The following RFX3 variants were observed in gnomAD, a reference collection of about 807,000 sequenced individuals.
The protein encoded by RFX3 is transcription factor RFX3.
RFX3 carries 14 observed loss-of-function variants against 98.6 expected under a neutral mutation model. The observed-to-expected ratio is 0.14, with a 90% CI of 0.09 to 0.22. The LOEUF is 0.22. Among genes scored for constraint, RFX3 ranks in the 10% least tolerant of loss-of-function variants. RFX3 has a pLI of 1.00. For missense variants in RFX3, 639 were observed against 926.9 expected, an observed-to-expected ratio of 0.69 and a Z score of 4.03; for synonymous variants, 383 against 328.4, an observed-to-expected ratio of 1.17 and a Z score of -1.80.
intron 1 of RFX3, chr9:3,488,714 A>G (rs1344332502): frequency 1.1e-6 from 1 of 885,878 alleles, no homozygotes. Flanking sequence ...TTTCAACCTT[A>G]TATCCATAAA....
intron 5 of RFX3, among the ~76,000 whole-genome samples, chr9:3,298,307 G>C (rs1586932878): frequency 6.6e-6 from 1 of 151,756 alleles, no homozygotes; most frequent in Admixed American, 6.6e-5. Flanking sequence ...TACTCAGATG[G>C]TATACCAGAA....
At position 3,222,485 on chromosome 9, in the gene RFX3, A is replaced by G; in HGVS notation, c.*2557T>C. ...CTGTAATGATACAAATATATCCAAC[A>G]TTAAATTAAACAATGATAATAAATA... On this transcript the variant is annotated 3_prime_UTR_variant, in exon 17 of 17. Coordinates refer to ENST00000617270, the MANE Select transcript of RFX3 (RefSeq NM_001282116.2). 3.9e-5 allele frequency: 6 copies of G among 152,338 alleles called. No homozygotes were observed. The South Asian group carries it at 1.2e-3, about 32-fold the overall frequency. 9.4% of individuals were successfully genotyped at this position (152,338 alleles called of 1,614,324 possible).
At chr9:3,276,504 G>C (rs1276694500) in intron 8 of RFX3, among the ~76,000 whole-genome samples, 1 of 152,078 alleles carries the variant, frequency 6.6e-6, no homozygotes, top group East Asian at 1.9e-4. Context: ...GATAATCGAA[G>C]TGAAATCACA....
chr9:3,228,771 A>G, intron 16 of RFX3, 76 bp downstream of exon 16: 1 of 1,217,322 alleles, frequency 8.2e-7, no homozygotes, highest in Admixed American at 2.1e-5. Flanking sequence ...TGTTGTAAAC[A>G]TATACCGTAT....
chr9:3,238,913 A>T (rs505371), intron 15 of RFX3, among the ~76,000 whole-genome samples: 117,489 of 151,458 alleles, frequency 0.78, 48,465 homozygotes, highest in East Asian at 0.97. Flanking sequence ...GAATCGCTTG[A>T]ACCCGGGAGG....
chr9:3,368,109 T>C (rs1015853944), intron 2 of RFX3, among the ~76,000 whole-genome samples: 1 of 152,236 alleles, frequency 6.6e-6, no homozygotes, highest in Admixed American at 6.5e-5. Flanking sequence ...CTGTTGATCT[T>C]CTGCCTCTAA....
chr9:3,477,608 A>T (rs972014361), intron 1 of RFX3, among the ~76,000 whole-genome samples: 2 of 152,188 alleles, frequency 1.3e-5, no homozygotes, highest in African/African-American at 4.8e-5. Flanking sequence ...TTTAAATTCA[A>T]CTATGATGGG....
At chr9:3,416,588 T>C (rs1163573452) in intron 1 of RFX3, among the ~76,000 whole-genome samples, 4 of 152,220 alleles carry the variant, frequency 2.6e-5, no homozygotes, top group African/African-American at 9.6e-5. Context: ...TATGGTCCTC[T>C]ATCCCATTGT....
chr9:3,504,925 TATTATATATA>T (rs1816717577), intron 1 of RFX3, among the ~76,000 whole-genome samples: 1 of 73,672 alleles, frequency 1.4e-5, no homozygotes, highest in Non-Finnish European at 2.2e-5. Context: ...ATATAACATA[TATTATATATA>T]ATATATATAA....
chr9:3,513,352 T>A (rs1289442851), intron 1 of RFX3, among the ~76,000 whole-genome samples: 1 of 152,178 alleles, frequency 6.6e-6, no homozygotes, highest in Non-Finnish European at 1.5e-5. Context: ...ATATTTCTTT[T>A]TCTCTACATT....
At chr9:3,453,496 G>A (rs1846860163) in intron 1 of RFX3, 1 of 151,980 alleles carries the variant, frequency 6.6e-6, no homozygotes, top group South Asian at 2.1e-4. Flanking sequence ...GATCACTTGA[G>A]GCCAGGAGTT....
chr9:3,274,942 T>C (rs1165928735), intron 9 of RFX3, among the ~76,000 whole-genome samples: 1 of 152,066 alleles, frequency 6.6e-6, no homozygotes, highest in Non-Finnish European at 1.5e-5. Flanking sequence ...ACACACATGT[T>C]ATTTTTCACT....
At chr9:3,292,176 A>C (rs1267402977) in intron 6 of RFX3, among the ~76,000 whole-genome samples, 1 of 149,210 alleles carries the variant, frequency 6.7e-6, no homozygotes, top group Non-Finnish European at 1.5e-5. Flanking sequence ...ATAGTACAGT[A>C]TCTCTATTTT....
At chr9:3,235,505 A>G (rs1011829855) in intron 15 of RFX3, among the ~76,000 whole-genome samples, 1 of 152,204 alleles carries the variant, frequency 6.6e-6, no homozygotes, top group African/African-American at 2.4e-5. Flanking sequence ...AAACAAGACA[A>G]ACTTATTATT....
chr9:3,219,617 A>C lies in RFX3; in HGVS notation c.*5425T>G, dbSNP rs1817242185. 2 of 152,208 alleles carry C rather than the reference A, an allele frequency of 1.3e-5. No homozygotes were observed. Among genetic ancestry groups the C allele is most frequent in the Admixed American group, 1.3e-4 (2 of 15,278 alleles). The allele number at this position is 152,208 out of a possible 1,614,324, so 9.4% of individuals were successfully genotyped here. On this transcript the variant is annotated 3_prime_UTR_variant, in exon 17 of 17. Coordinates refer to ENST00000617270, the MANE Select transcript of RFX3 (RefSeq NM_001282116.2). Reference sequence around the variant, plus strand: ...ACTTTGTAAGTGGCTTTTACTATTTAAGTAAAATTGGTAAACTAAACTCAG... The same window carrying C: ...ACTTTGTAAGTGGCTTTTACTATTTCAGTAAAATTGGTAAACTAAACTCAG...
intron 1 of RFX3, among the ~76,000 whole-genome samples, chr9:3,461,206 C>G (rs1847657042): frequency 6.6e-6 from 1 of 151,724 alleles, no homozygotes; most frequent in Non-Finnish European, 1.5e-5. Context: ...ATGAGAGCAA[C>G]AAACTATTTT....
At chr9:3,320,225 C>T (rs1437860080) in intron 4 of RFX3, among the ~76,000 whole-genome samples, 3 of 152,050 alleles carry the variant, frequency 2.0e-5, no homozygotes, top group African/African-American at 7.2e-5. Flanking sequence ...ACATGCCTCC[C>T]ACCTTTTATT....
At chr9:3,520,846 C>G (rs551781723) in intron 1 of RFX3, among the ~76,000 whole-genome samples, 134 of 152,210 alleles carry the variant, frequency 8.8e-4, no homozygotes, top group African/African-American at 3.0e-3. Context: ...GGCTAATTTT[C>G]TTTTACTTTT....
At chr9:3,286,138 T>C (rs1282980713) in intron 7 of RFX3, among the ~76,000 whole-genome samples, 5 of 151,822 alleles carry the variant, frequency 3.3e-5, no homozygotes, top group African/African-American at 1.2e-4. Flanking sequence ...AAACTTTCTT[T>C]TTCTTGATTT....
Sources: gnomAD v4.1 joint callset for allele counts (sites outside exome capture counted in the v4.1 genomes callset) on GRCh38, gnomAD v4.1.1 for gene constraint, MANE v1.5 for transcripts, NCBI Gene and HGNC (gene_info 2026-07-23, HGNC 2026-07-21) for gene names.